The following EMID1 variants were observed in gnomAD, a reference collection of about 807,000 sequenced individuals.
EMID1 encodes the protein EMI domain-containing protein 1.
EMID1 carries 40 observed loss-of-function variants against 60.6 expected under a neutral mutation model. That is an observed-to-expected ratio of 0.66 (90% CI 0.51 to 0.86). The LOEUF (loss-of-function observed/expected upper bound fraction) is 0.86, where lower values mean the gene tolerates loss of function less well. Among genes scored for constraint, EMID1 ranks in the 40% least tolerant of loss-of-function variants. The probability of loss-of-function intolerance (pLI) is 0.00; values close to 1 mark genes in which losing one functional copy is unlikely to be tolerated. For missense variants in EMID1, 585 were observed against 597.1 expected, an observed-to-expected ratio of 0.98 and a Z score of 0.21; for synonymous variants, 242 against 231.0, an observed-to-expected ratio of 1.05 and a Z score of -0.43.
chr22:29,235,332 G>A (rs2040905641), intron 12 of EMID1, among the ~76,000 whole-genome samples: 1 of 127,810 alleles, frequency 7.8e-6, no homozygotes, highest in South Asian at 2.5e-4. Context: ...TGGGCAATAA[G>A]AGTGAGACTT....
intron 3 of EMID1, among the ~76,000 whole-genome samples, chr22:29,220,404 T>A (rs2040248787): frequency 6.6e-6 from 1 of 151,826 alleles, no homozygotes; most frequent in East Asian, 1.9e-4. Context: ...GGCTGGAGAG[T>A]TTTTGGAGCT....
intron 12 of EMID1, among the ~76,000 whole-genome samples, chr22:29,235,854 A>G (rs1266363597): frequency 7.1e-6 from 1 of 139,980 alleles, no homozygotes; most frequent in African/African-American, 2.8e-5. Flanking sequence ...CAGTGGTGCA[A>G]TCATAGCTCA....
Position 29,233,473 on chromosome 22 carries a change from G to A in EMID1, c.913+5G>A, listed in dbSNP as rs1255141825. ...CAGGCCCTCCAGGGCCCATGGGTAA[G>A]TTGAGTCCAGGCCAGGGGTAAAGGG... On this transcript the variant is annotated splice_donor_5th_base_variant and intron_variant, in intron 9 of 14. Transcript: ENST00000334018. The A allele has an allele frequency of 5.0e-6, 8 of 1,613,814 alleles. No individual in the cohort carries two copies. The African/African-American group carries it at 9.3e-5, about 19-fold the overall frequency.
intron 12 of EMID1, among the ~76,000 whole-genome samples, chr22:29,242,070 C>G (rs1267362095): frequency 2.0e-5 from 3 of 152,112 alleles, no homozygotes; most frequent in African/African-American, 7.2e-5. Flanking sequence ...ACCACCATAT[C>G]TGGCTTGTTT....
intron 13 of EMID1, among the ~76,000 whole-genome samples, chr22:29,245,950 G>A (rs1273707893): frequency 2.6e-5 from 4 of 152,212 alleles, no homozygotes; most frequent in Non-Finnish European, 5.9e-5. Flanking sequence ...GCTGGGCACT[G>A]TTTACACAGA....
intron 9 of EMID1, 31 bp downstream of exon 9, chr22:29,233,499 T>C: frequency 6.2e-7 from 1 of 1,611,748 alleles, no homozygotes. Context: ...GGGTAAAGGG[T>C]GAAGTTGGTA....
At chr22:29,208,336 G>C (rs1160102582) in intron 1 of EMID1, among the ~76,000 whole-genome samples, 1 of 152,188 alleles carries the variant, frequency 6.6e-6, no homozygotes, top group Non-Finnish European at 1.5e-5. Context: ...CTTGCCCCAG[G>C]AAGGTGGTGA....
chr22:29,225,347 C>T (rs1009342994), intron 4 of EMID1, 131 bp downstream of exon 4: 1 of 920,414 alleles, frequency 1.1e-6, no homozygotes, highest in African/African-American at 1.7e-5. Flanking sequence ...TAACTATCTT[C>T]CCACCCCATG....
chr22:29,217,915 A>G (rs1264686068), intron 3 of EMID1, among the ~76,000 whole-genome samples: 1 of 152,090 alleles, frequency 6.6e-6, no homozygotes, highest in Middle Eastern at 3.2e-3. Flanking sequence ...TTGACCCTCG[A>G]GCCATAGAGC....
intron 1 of EMID1, among the ~76,000 whole-genome samples, chr22:29,213,100 G>T (rs1416426921): frequency 6.6e-6 from 1 of 152,134 alleles, no homozygotes; most frequent in Non-Finnish European, 1.5e-5. Flanking sequence ...AATAGTTGAC[G>T]TTCTGTCTCT....
At chr22:29,231,782 T>C (rs1601971470) in intron 7 of EMID1, 100 bp downstream of exon 7, 1 of 1,195,078 alleles carries the variant, frequency 8.4e-7, no homozygotes, top group East Asian at 2.7e-5. Context: ...CTGGGCCCTT[T>C]CATCTACTTG....
At chr22:29,214,827 C>A in intron 1 of EMID1, 99 bp from the exon 2 acceptor site, 2 of 804,282 alleles carry the variant, frequency 2.5e-6, no homozygotes, top group Non-Finnish European at 1.8e-6. Flanking sequence ...GGATTCAGGG[C>A]TCTTGAAGAG....
rs563731619 is a variant in EMID1, at chr22:29,243,530, G to T, written c.1119+41G>T. 24 of 1,612,570 alleles carry T rather than the reference G, an allele frequency of 1.5e-5. No individual in the cohort carries two copies. The African/African-American group carries it at 2.9e-4, about 20-fold the overall frequency. On this transcript the variant is annotated intron_variant, in intron 13 of 14. Transcript: ENST00000334018. ...GCACTGGCCTCTCCCTGCCTTCTCA[G>T]CCCTACATGCTCAAGAGAGTATTCC...
chr22:29,225,257 G>A (rs34258050), intron 4 of EMID1, 41 bp downstream of exon 4: 1 of 1,606,124 alleles, frequency 6.2e-7, no homozygotes, highest in Non-Finnish European at 8.5e-7. Context: ...CCTGGGCTGA[G>A]GGAGCCCTGG....
At chr22:29,231,563 G>A (rs567207310) in intron 6 of EMID1, 30 bp from the exon 7 acceptor site, 2 of 1,548,348 alleles carry the variant, frequency 1.3e-6, no homozygotes, top group East Asian at 2.4e-5. Flanking sequence ...CAGATGTGGA[G>A]CTGCCAGTCT....
intron 5 of EMID1, 131 bp downstream of exon 5, chr22:29,226,682 T>G (rs1257992156): frequency 2.3e-6 from 2 of 872,812 alleles, no homozygotes; most frequent in African/African-American, 1.7e-5. Flanking sequence ...AGGGCAGCTC[T>G]GAACTGACTC....
At position 29,215,572 on chromosome 22, in the gene EMID1, A is replaced by G. The variant is rs1483797105; in HGVS notation, c.261A>G (p.Ile87Met). 23 of 1,614,016 alleles carry G rather than the reference A, an allele frequency of 1.4e-5. No homozygotes were observed. The highest frequency in any genetic ancestry group is 1.3e-5 in the Non-Finnish European group (15 of 1,179,996). Residue 87 changes from isoleucine to methionine, a missense_variant, in exon 3 of 15, where the codon ATA (isoleucine) becomes ATG (methionine). Ile to Met is a conservative substitution (Grantham distance 10). Coordinates refer to ENST00000334018, the MANE Select transcript of EMID1 (RefSeq NM_133455.4). ...VRPTYKVMYK[I>M]VTAREWRCCP... ...CCACATACAAGGTGATGTACAAGATAGTGACCGCCCGTGAGTGGAGGTGCT... is the reference window on the plus strand; with the variant it reads ...CCACATACAAGGTGATGTACAAGATGGTGACCGCCCGTGAGTGGAGGTGCT...
intron 11 of EMID1, 49 bp from the exon 12 acceptor site, chr22:29,234,256 G>A (rs781263216): frequency 5.0e-6 from 8 of 1,612,138 alleles, no homozygotes; most frequent in African/African-American, 1.3e-5. Context: ...AGGGCCCCAG[G>A]TCAGAGTCCT....
chr22:29,233,394 C>T lies in EMID1; in HGVS notation c.839C>T (p.Ser280Phe), dbSNP rs761805465. The change falls in exon 9 of 15, where the codon TCC becomes TTC. Residue 280 changes from serine to phenylalanine, a missense_variant. By Grantham distance (155) the Ser-to-Phe change is radical (BLOSUM62 -2). Coordinates refer to ENST00000334018, the MANE Select transcript of EMID1 (RefSeq NM_133455.4). ...GCTCACCCAGGAGACCCATTGCTGT[C>T]CAACACCTTCACTGAGACCAACAAC... Reference protein sequence around the residue: ...RISQHGDPLLSNTFTETNNHW... With the variant: ...RISQHGDPLLFNTFTETNNHW... The T allele has an allele frequency of 1.9e-6, 3 of 1,614,086 alleles. No homozygotes were observed. The highest frequency in any genetic ancestry group is 2.5e-6 in the Non-Finnish European group (3 of 1,179,932).
Sources: allele counts gnomAD v4.1 joint callset (sites outside exome capture counted in the v4.1 genomes callset), GRCh38; gene constraint gnomAD v4.1.1; transcripts MANE v1.5; gene names NCBI Gene and HGNC (gene_info 2026-07-23, HGNC 2026-07-21).